GRM8: variants seen among roughly 807,000 people sequenced by gnomAD.
The protein encoded by GRM8 is glutamate metabotropic receptor 8, also known as metabotropic glutamate receptor 8.
A neutral mutation model predicts 87.2 loss-of-function variants in GRM8; 47 were observed. The ratio of observed to expected loss-of-function variants is 0.54; its 90% CI spans 0.43 to 0.69. GRM8 has a LOEUF of 0.69. Among genes scored for constraint, GRM8 ranks in the 30% least tolerant of loss-of-function variants. The probability of loss-of-function intolerance (pLI) is 0.00; values close to 1 mark genes in which losing one functional copy is unlikely to be tolerated. For synonymous variants in GRM8, 396 were observed against 404.5 expected, an observed-to-expected ratio of 0.98 and a Z score of 0.25; for missense variants, 1,019 against 1,139.2, an observed-to-expected ratio of 0.89 and a Z score of 1.52.
intron 7 of GRM8, among the ~76,000 whole-genome samples, chr7:126,747,679 T>C (rs539570560): frequency 3.3e-5 from 5 of 152,142 alleles, no homozygotes; most frequent in Middle Eastern, 3.4e-3. Context: ...TTCTTTATGC[T>C]TACCTTTCTC....
At chr7:126,704,291 C>G (rs1367371243) in intron 7 of GRM8, among the ~76,000 whole-genome samples, 1 of 152,166 alleles carries the variant, frequency 6.6e-6, no homozygotes, top group African/African-American at 2.4e-5. Context: ...CTTCCCCAAT[C>G]AATATCCTTG....
intron 6 of GRM8, among the ~76,000 whole-genome samples, chr7:126,827,994 G>A (rs1279802415): frequency 6.6e-6 from 1 of 152,162 alleles, no homozygotes; most frequent in Middle Eastern, 3.2e-3. Context: ...TTTTGGTTCT[G>A]TTTATATGCT....
At chr7:126,526,989 C>G (rs765115201) in intron 9 of GRM8, among the ~76,000 whole-genome samples, 2 of 152,154 alleles carry the variant, frequency 1.3e-5, no homozygotes, top group African/African-American at 4.8e-5. Flanking sequence ...GACCGTAATA[C>G]ATTAAATAGT....
At chr7:126,945,487 C>T (rs1807439875) in intron 3 of GRM8, among the ~76,000 whole-genome samples, 1 of 152,168 alleles carries the variant, frequency 6.6e-6, no homozygotes, top group Admixed American at 6.5e-5. Flanking sequence ...CCACACCTGA[C>T]ATAAGACAGG....
At chr7:126,750,052 A>T (rs2151538442) in intron 7 of GRM8, among the ~76,000 whole-genome samples, 1 of 152,262 alleles carries the variant, frequency 6.6e-6, no homozygotes, top group Non-Finnish European at 1.5e-5. Context: ...CTTTCATAAA[A>T]GCTTTATTCT....
At chr7:127,172,036 G>T (rs1370488612) in intron 2 of GRM8, among the ~76,000 whole-genome samples, 3 of 151,150 alleles carry the variant, frequency 2.0e-5, no homozygotes, top group African/African-American at 7.3e-5. Context: ...AAAAAAAAAA[G>T]AAACAAGTAA....
At chr7:127,003,205 T>C (rs1813900266) in intron 3 of GRM8, among the ~76,000 whole-genome samples, 1 of 151,694 alleles carries the variant, frequency 6.6e-6, no homozygotes, top group Non-Finnish European at 1.5e-5. Context: ...GCATGATTAT[T>C]TTTGCATGGG....
chr7:126,559,811 G>A (rs966001264), intron 8 of GRM8, among the ~76,000 whole-genome samples: 1 of 152,132 alleles, frequency 6.6e-6, no homozygotes, highest in African/African-American at 2.4e-5. Context: ...AATTTCAATT[G>A]TAGGCTCGAT....
intron 3 of GRM8, among the ~76,000 whole-genome samples, chr7:126,925,353 A>G (rs1017285985): frequency 2.6e-5 from 4 of 152,216 alleles, no homozygotes; most frequent in Non-Finnish European, 4.4e-5. Context: ...ATTGCTGCAC[A>G]TGTGTTCTAT....
chr7:126,974,891 G>C (rs1367574539), intron 3 of GRM8, among the ~76,000 whole-genome samples: 1 of 123,818 alleles, frequency 8.1e-6, no homozygotes, highest in East Asian at 2.7e-4. Context: ...AGCCAAAATC[G>C]CGCCACTGCG....
rs536029456 is a variant in GRM8, at chr7:127,249,265, T to C, written c.-312+3532A>G. Among the ~76,000 whole-genome samples the C allele has an allele frequency of 3.3e-5, 5 of 152,294 alleles. No homozygotes were observed. The Middle Eastern group carries it at 0.01, about 311-fold the overall frequency. On this transcript the variant is annotated intron_variant, in intron 1 of 10. Coordinates refer to ENST00000339582, the MANE Select transcript of GRM8 (RefSeq NM_000845.3). ...GCTGACCTCCCCAGAACTAGGTCTC[T>C]TCCTTCCCTCAGTGCCTTTGTTCTT...
intron 8 of GRM8, among the ~76,000 whole-genome samples, chr7:126,598,224 TA>T (rs1192238181): frequency 2.1e-5 from 1 of 47,192 alleles, no homozygotes; most frequent in African/African-American, 1.4e-4. Flanking sequence ...GGTTTTTTCC[TA>T]TTTTTTTTAT....
At chr7:126,795,335 C>T (rs989515568) in intron 6 of GRM8, among the ~76,000 whole-genome samples, 5 of 152,114 alleles carry the variant, frequency 3.3e-5, no homozygotes, top group Admixed American at 1.3e-4. Flanking sequence ...ATCTCATATA[C>T]TCATTTGTTT....
chr7:126,504,908 T>C (rs1015000932), intron 9 of GRM8, among the ~76,000 whole-genome samples: 14 of 152,044 alleles, frequency 9.2e-5, no homozygotes, highest in Non-Finnish European at 1.6e-4. Context: ...TTTTTATTAC[T>C]AACTATAATA....
chr7:126,625,801 G>A (rs1049354884), intron 7 of GRM8, among the ~76,000 whole-genome samples: 2 of 151,922 alleles, frequency 1.3e-5, no homozygotes, highest in African/African-American at 4.8e-5. Context: ...AATATCAAAT[G>A]TTTGGCTAAA....
chr7:126,594,210 C>T (rs1796948219), intron 8 of GRM8, among the ~76,000 whole-genome samples: 1 of 151,844 alleles, frequency 6.6e-6, no homozygotes, highest in Non-Finnish European at 1.5e-5. Context: ...ATAGAAATAC[C>T]ATATGATCTG....
intron 3 of GRM8, among the ~76,000 whole-genome samples, chr7:126,906,930 T>G (rs1164902945): frequency 6.6e-6 from 1 of 152,170 alleles, no homozygotes; most frequent in East Asian, 1.9e-4. Flanking sequence ...ATTTCTTGAG[T>G]GCCCCGTATC....
chr7:126,623,967 A>G (rs1242911824), intron 7 of GRM8, among the ~76,000 whole-genome samples: 7 of 152,098 alleles, frequency 4.6e-5, no homozygotes, highest in Admixed American at 4.6e-4. Context: ...AAAAGCTTAC[A>G]TCTAATGCAT....
rs567295617 is a variant in GRM8 at position 126,615,787 on chromosome 7, C to T, written c.1358-6289G>A. On this transcript the variant is annotated intron_variant, in intron 7 of 10. Coordinates refer to ENST00000339582, the MANE Select transcript of GRM8 (RefSeq NM_000845.3). ...TCAAAAGAGACAAAGAAGGCCATTA[C>T]ATAATGGTAAAGGGATCAATTCAAC... 9.3e-3 allele frequency among the ~76,000 whole-genome samples: 1,416 copies of T among 152,242 alleles called. 18 individuals are homozygous for T. The highest frequency in any genetic ancestry group is 0.033 in the African/African-American group (1,359 of 41,530).
Sources: gnomAD v4.1 joint callset for allele counts (sites outside exome capture counted in the v4.1 genomes callset) on GRCh38, gnomAD v4.1.1 for gene constraint, MANE v1.5 for transcripts, NCBI Gene and HGNC (gene_info 2026-07-23, HGNC 2026-07-21) for gene names.